NDEL1: variants seen among roughly 807,000 people sequenced by gnomAD.
NDEL1 encodes nudE neurodevelopment protein 1 like 1, also known as nuclear distribution protein nudE-like 1.
NDEL1 carries 9 observed loss-of-function variants against 45.7 expected under a neutral mutation model. The ratio of observed to expected loss-of-function variants is 0.20; its 90% confidence interval spans 0.12 to 0.34. NDEL1 has a LOEUF of 0.34. NDEL1 is among the 10% of genes least tolerant of loss of function. The pLI is 1.00. For missense variants in NDEL1, 306 were observed against 406.2 expected, an observed-to-expected ratio of 0.75 and a Z score of 2.12; for synonymous variants, 133 against 158.6, an observed-to-expected ratio of 0.84 and a Z score of 1.21.
chr17:8,471,481 A>G (rs1352059392), downstream of NDEL1, among the ~76,000 whole-genome samples: 1 of 152,262 alleles, frequency 6.6e-6, no homozygotes, highest in Non-Finnish European at 1.5e-5. Flanking sequence ...GCAGTATGGC[A>G]CATACTTGGG....
upstream of NDEL1, among the ~76,000 whole-genome samples, chr17:8,433,680 C>T (rs531351001): frequency 6.6e-5 from 10 of 152,254 alleles, no homozygotes; most frequent in East Asian, 1.9e-3. Context: ...TTGGTGCAAA[C>T]ATTTATTTTA....
chr17:8,436,668 G>A (rs1909366812), intron 1 of NDEL1: 1 of 152,242 alleles, frequency 6.6e-6, no homozygotes, highest in South Asian at 2.1e-4. Context: ...TAAGCCATGA[G>A]ATGACCCTTT....
At position 8,439,228 on chromosome 17, in the gene NDEL1, C is replaced by T. The variant is rs960049036; in HGVS notation, c.-13+3183C>T. Among the ~76,000 whole-genome samples the T allele has an allele frequency of 1.4e-4, 21 of 150,856 alleles. No individual in the cohort carries two copies. In the East Asian group the frequency reaches 2.1e-3, roughly 15 times the overall value. The stretch of plus-strand genomic sequence containing the variant: ...GTGCTGGGATTACAGGTGTGAGCCA[C>T]TGTGCCCGGCCTTTTTTTTTTTCTT... On this transcript the variant is annotated intron_variant, in intron 1 of 8. Transcript: ENST00000334527.
At chr17:8,439,424 T>C (rs930646035) in intron 1 of NDEL1, among the ~76,000 whole-genome samples, 29 of 94,218 alleles carry the variant, frequency 3.1e-4, no homozygotes, top group Admixed American at 4.7e-4. Flanking sequence ...TTTTTTTTTT[T>C]CATATTTTCG....
chr17:8,434,031 C>T (rs1046055407), upstream of NDEL1, among the ~76,000 whole-genome samples: 34 of 152,102 alleles, frequency 2.2e-4, no homozygotes, highest in African/African-American at 7.2e-4. Context: ...ACTGGGCCTC[C>T]TAGGCTCACT....
At chr17:8,433,018 T>C (rs1909055990), upstream of NDEL1, among the ~76,000 whole-genome samples, 1 of 152,120 alleles carries the variant, frequency 6.6e-6, no homozygotes, top group Admixed American at 6.5e-5. Context: ...TTGACTGGAC[T>C]ACTTCCATCT....
intron 3 of NDEL1, among the ~76,000 whole-genome samples, chr17:8,473,223 G>C (rs1356204319): frequency 6.6e-6 from 1 of 151,828 alleles, no homozygotes; most frequent in Non-Finnish European, 1.5e-5. Context: ...GCCCTTCTCT[G>C]TCACCCAGGC....
intron 1 of NDEL1, among the ~76,000 whole-genome samples, chr17:8,428,754 A>G (rs1469483302): frequency 4.0e-5 from 6 of 151,246 alleles, no homozygotes; most frequent in Middle Eastern, 3.4e-3. Context: ...GCTCACTGCA[A>G]GCTCCGCCTC....
At position 8,435,914 on chromosome 17, in the gene NDEL1, G is replaced by T. The variant is rs1386263734; in HGVS notation, c.-144G>T. ...CTGACGTGTCGGGGAGGAGCCGGGC[G>T]CGGAGGTACGCTGAGTGGAGCTCGG... is the stretch of plus-strand genomic sequence containing the variant. On this transcript the variant is annotated 5_prime_UTR_variant, in exon 1 of 9. Transcript: ENST00000334527. 2 of 447,742 alleles carry T rather than the reference G, an allele frequency of 4.5e-6. No individual in the cohort carries two copies. The highest frequency in any genetic ancestry group is 9.0e-6 in the Non-Finnish European group (2 of 223,086). 27.7% of individuals were successfully genotyped at this position (447,742 alleles called of 1,614,324 possible).
At chr17:8,414,868 T>C (rs1041091242) in intron 1 of NDEL1, among the ~76,000 whole-genome samples, 2 of 152,132 alleles carry the variant, frequency 1.3e-5, no homozygotes, top group Non-Finnish European at 2.9e-5. Flanking sequence ...AACAGACCTA[T>C]AAAATTCCTG....
chr17:8,415,965 TC>T (rs1908538449), intron 1 of NDEL1, among the ~76,000 whole-genome samples: 1 of 152,174 alleles, frequency 6.6e-6, no homozygotes, highest in South Asian at 2.1e-4. Context: ...GCCAGGCTGG[TC>T]TTGAACACCT....
At chr17:8,426,267 C>T (rs907544486) in intron 1 of NDEL1, among the ~76,000 whole-genome samples, 8 of 152,170 alleles carry the variant, frequency 5.3e-5, no homozygotes, top group African/African-American at 1.7e-4. Context: ...ATCTTTTGGT[C>T]CTGGCAACTT....
At chr17:8,469,288 C>T (rs372443420), downstream of NDEL1, among the ~76,000 whole-genome samples, 24 of 152,258 alleles carry the variant, frequency 1.6e-4, no homozygotes, top group East Asian at 3.7e-3. Context: ...AGCATTTAGC[C>T]GACCTCTTTA....
chr17:8,453,106 A>C (rs2151727922), intron 6 of NDEL1, among the ~76,000 whole-genome samples: 2 of 152,256 alleles, frequency 1.3e-5, no homozygotes, highest in East Asian at 3.9e-4. Flanking sequence ...ATAACACCTA[A>C]AATGTAAAAC....
At position 8,460,077 on chromosome 17, in the gene NDEL1, T is replaced by A. The variant is rs1183174667; in HGVS notation, c.861T>A (p.Ile287=). ...AKDQASRKSY[I]SGNVNCGVLN... ...ACCAAGCATCACGAAAATCCTATATTTCAGGGAATGTTAACTGTGGGGTGC... is the reference window on the plus strand; with the variant it reads ...ACCAAGCATCACGAAAATCCTATATATCAGGGAATGTTAACTGTGGGGTGC... The change falls in exon 8 of 9, where the codon ATT becomes ATA. Residue 287 remains isoleucine (I), a synonymous_variant. Coordinates refer to ENST00000334527, the MANE Select transcript of NDEL1 (RefSeq NM_030808.5). 1 of 1,614,008 alleles carries A rather than the reference T, an allele frequency of 6.2e-7. No homozygotes were observed. Among genetic ancestry groups the A allele is most frequent in the East Asian group, 2.2e-5 (1 of 44,896 alleles).
At chr17:8,450,353 C>CT (rs1351523855) in intron 5 of NDEL1, among the ~76,000 whole-genome samples, 1 of 151,368 alleles carries the variant, frequency 6.6e-6, no homozygotes, top group Non-Finnish European at 1.5e-5. Context: ...CTGAATACTT[C>CT]TTTTCTAAAA....
chr17:8,438,683 T>C (rs1909516540), intron 1 of NDEL1, among the ~76,000 whole-genome samples: 1 of 151,760 alleles, frequency 6.6e-6, no homozygotes, highest in Non-Finnish European at 1.5e-5. Flanking sequence ...ACCCAGCTCA[T>C]TTTTGTATTT....
intron 1 of NDEL1, among the ~76,000 whole-genome samples, chr17:8,413,760 TG>T (rs1280125111): frequency 2.0e-5 from 3 of 152,250 alleles, no homozygotes; most frequent in Non-Finnish European, 4.4e-5. Context: ...ATCTACAAAA[TG>T]TAAGACATCT....
chr17:8,445,586 C>T (rs963866730), intron 2 of NDEL1, 125 bp from the exon 3 acceptor site: 5 of 976,804 alleles, frequency 5.1e-6, no homozygotes, highest in Non-Finnish European at 7.3e-6. Context: ...AACAGATTGT[C>T]TTTAGTATAT....
Sources: gnomAD v4.1 joint callset for allele counts (sites outside exome capture counted in the v4.1 genomes callset) on GRCh38, gnomAD v4.1.1 for gene constraint, MANE v1.5 for transcripts, NCBI Gene and HGNC (gene_info 2026-07-23, HGNC 2026-07-21) for gene names.